The following SLC16A12 variants were observed in gnomAD, a reference collection of about 807,000 sequenced individuals.
SLC16A12 encodes the protein monocarboxylate transporter 12.
In SLC16A12, 17 loss-of-function variants were observed where a neutral mutation model predicts 42.4. That is an observed-to-expected ratio of 0.40 (90% confidence interval 0.27 to 0.60). SLC16A12 has a LOEUF of 0.60. Ranked by LOEUF, SLC16A12 falls within the 20% of genes least tolerant of loss-of-function variation. SLC16A12 has a pLI of 0.42. For synonymous variants in SLC16A12, 224 were observed against 229.4 expected (o/e 0.98, Z 0.21); for missense variants, 544 against 623.0 (o/e 0.87, Z 1.35).
rs1843787320 is a variant in SLC16A12 at position 89,554,033 on chromosome 10, G to GAAGAAAGAAGGA, written c.-47+1848_-47+1849insTCCTTCTTTCTT. On this transcript the variant is annotated intron_variant, in intron 2 of 2. Coordinates refer to the SLC16A12 transcript ENST00000475682. ...GAAAGAGAGAAAGAAAGAGAGAAAG[G>GAAGAAAGAAGGA]AAGAAAGAAAGAAAGAAAGAAAGAA... 2.1e-4 allele frequency among the ~76,000 whole-genome samples: 14 copies of GAAGAAAGAAGGA among 67,544 alleles called. 2 individuals are homozygous for GAAGAAAGAAGGA. The highest frequency in any genetic ancestry group is 9.3e-4 in the African/African-American group (14 of 15,056). 44.3% of individuals were successfully genotyped at this position (67,544 alleles called of 152,430 possible). A position where few individuals can be genotyped will look rare whatever the true frequency, so the allele number is the denominator to read the frequency against.
At chr10:89,516,928 G>GAAATAAAAATAA (rs1843261761) in intron 2 of SLC16A12, among the ~76,000 whole-genome samples, 1 of 152,184 alleles carries the variant, frequency 6.6e-6, no homozygotes. Flanking sequence ...TGTTTCACTT[G>GAAATAAAAATAA]AAATAAAAAT....
At chr10:89,507,120 C>T (rs1022565516) in intron 2 of SLC16A12, among the ~76,000 whole-genome samples, 48 of 152,146 alleles carry the variant, frequency 3.2e-4, no homozygotes, top group Middle Eastern at 3.4e-3. Context: ...CTGAAAGTGA[C>T]GGGGAGAATG....
chr10:89,548,561 A>G (rs1459840893), intron 2 of SLC16A12, among the ~76,000 whole-genome samples: 1 of 152,194 alleles, frequency 6.6e-6, no homozygotes, highest in Non-Finnish European at 1.5e-5. Flanking sequence ...TCATGCCTGT[A>G]ATCCCAGACT....
At chr10:89,475,764 AG>A (rs1315947883) in intron 2 of SLC16A12, among the ~76,000 whole-genome samples, 1 of 152,214 alleles carries the variant, frequency 6.6e-6, no homozygotes, top group Non-Finnish European at 1.5e-5. Context: ...CTTTGAGGAC[AG>A]GAACACTTTA....
At chr10:89,461,439 C>T (rs1417921061) in intron 3 of SLC16A12, among the ~76,000 whole-genome samples, 1 of 152,186 alleles carries the variant, frequency 6.6e-6, no homozygotes, top group Non-Finnish European at 1.5e-5. Flanking sequence ...CATGTTTTAT[C>T]CTTTCTGGGA....
chr10:89,509,844 A>T (rs553567330), intron 2 of SLC16A12, among the ~76,000 whole-genome samples: 2 of 152,230 alleles, frequency 1.3e-5, no homozygotes, highest in Non-Finnish European at 2.9e-5. Context: ...AGAAAACCCC[A>T]TCATCTCAGC....
At chr10:89,442,604 A>C (rs1564569863) in intron 4 of SLC16A12, among the ~76,000 whole-genome samples, 1 of 152,246 alleles carries the variant, frequency 6.6e-6, no homozygotes, top group Non-Finnish European at 1.5e-5. Flanking sequence ...TTTCAAAAAA[A>C]AGACAAGCTC....
intron 3 of SLC16A12, among the ~76,000 whole-genome samples, chr10:89,458,624 C>G (rs1030819832): frequency 6.6e-6 from 1 of 152,196 alleles, no homozygotes; most frequent in East Asian, 1.9e-4. Context: ...TACTTAGATA[C>G]AGCTTCACAT....
intron 2 of SLC16A12, among the ~76,000 whole-genome samples, chr10:89,513,452 G>A (rs1473463094): frequency 6.6e-6 from 1 of 152,174 alleles, no homozygotes; most frequent in East Asian, 1.9e-4. Context: ...TGGACTCACT[G>A]TGGTCATTCA....
chr10:89,512,862 C>T (rs760890989), intron 2 of SLC16A12, among the ~76,000 whole-genome samples: 46 of 152,116 alleles, frequency 3.0e-4, no homozygotes, highest in Admixed American at 4.6e-4. Flanking sequence ...CCAACCAGGA[C>T]GTGGAATTGG....
chr10:89,467,522 A>G (rs766690971), intron 2 of SLC16A12, among the ~76,000 whole-genome samples: 2 of 152,214 alleles, frequency 1.3e-5, no homozygotes, highest in Non-Finnish European at 2.9e-5. Flanking sequence ...AAGAGTATGC[A>G]ATTCATTACA....
intron 3 of SLC16A12, among the ~76,000 whole-genome samples, chr10:89,445,196 T>C (rs1564570639): frequency 6.6e-6 from 1 of 152,230 alleles, no homozygotes; most frequent in Non-Finnish European, 1.5e-5. Context: ...CAGACTTAAA[T>C]GTCCCGGTCT....
intron 2 of SLC16A12, among the ~76,000 whole-genome samples, chr10:89,486,721 AGAGAAAAAC>A (rs1842761001): frequency 7.5e-6 from 1 of 133,818 alleles, no homozygotes; most frequent in South Asian, 2.2e-4. Context: ...AAAGAAAAAA[AGAGAAAAAC>A]GAAATAAGTA....
intron 3 of SLC16A12, among the ~76,000 whole-genome samples, chr10:89,453,016 C>T (rs754509419): frequency 5.3e-5 from 8 of 152,148 alleles, no homozygotes; most frequent in Non-Finnish European, 7.4e-5. Flanking sequence ...CTGTGTTCAC[C>T]GCAGTCCCAT....
Position 89,459,315 on chromosome 10 carries a change from T to TAA in SLC16A12, c.200+3063_200+3064insTT, listed in dbSNP as rs1564575659. 9.6e-3 allele frequency among the ~76,000 whole-genome samples: 1,276 copies of TAA among 133,434 alleles called. 17 individuals are homozygous for TAA. The highest frequency in any genetic ancestry group is 0.039 in the African/African-American group (1,180 of 29,940). The allele number at this position is 133,434 out of a possible 152,430, so 87.5% of individuals were successfully genotyped here. A position where few individuals can be genotyped will look rare whatever the true frequency, so the allele number is the denominator to read the frequency against. On this transcript the variant is annotated intron_variant, in intron 3 of 7. Transcript: ENST00000371790. ...GACTCCCATAACCAAGGCAGTTTTT[T>TAA]TAAAAAAAAAAACCCATGTCTTATA...
chr10:89,497,251 A>T (rs936841785), intron 2 of SLC16A12, among the ~76,000 whole-genome samples: 1 of 152,188 alleles, frequency 6.6e-6, no homozygotes, highest in Non-Finnish European at 1.5e-5. Context: ...TCTATTAATT[A>T]AACACATATA....
chr10:89,505,850 C>A (rs1235239422), intron 2 of SLC16A12, among the ~76,000 whole-genome samples: 1 of 152,318 alleles, frequency 6.6e-6, no homozygotes, highest in South Asian at 2.1e-4. Flanking sequence ...ATTCTCGTGG[C>A]TAGCGCAGCA....
At chr10:89,470,640 T>C (rs538425638) in intron 2 of SLC16A12, among the ~76,000 whole-genome samples, 1 of 152,350 alleles carries the variant, frequency 6.6e-6, no homozygotes, top group Admixed American at 6.5e-5. Flanking sequence ...ATGGAAATCA[T>C]AGTTGACCCT....
chr10:89,467,304 T>C (rs911523105), intron 2 of SLC16A12, among the ~76,000 whole-genome samples: 3 of 152,192 alleles, frequency 2.0e-5, no homozygotes, highest in African/African-American at 7.2e-5. Context: ...AAAAGCAACA[T>C]AATGTGATGG....
Sources: allele counts gnomAD v4.1 joint callset (sites outside exome capture counted in the v4.1 genomes callset), GRCh38; gene constraint gnomAD v4.1.1; transcripts MANE v1.5; gene names NCBI Gene and HGNC (gene_info 2026-07-23, HGNC 2026-07-21).